Variants in NBAS observed in about 807,000 individuals in gnomAD.
NBAS encodes the protein NBAS subunit of NRZ tethering complex, also known as NAG/BC035112 fusion.
In NBAS, 219 loss-of-function variants were observed where a neutral mutation model predicts 302.5. That is an observed-to-expected ratio of 0.72 (90% CI 0.65 to 0.81). NBAS has a LOEUF of 0.81. Among genes scored for constraint, NBAS ranks in the 30% least tolerant of loss-of-function variants. The pLI is 0.00. For missense variants in NBAS, 2,932 were observed against 2,841.6 expected, an observed-to-expected ratio of 1.03 and a Z score of -0.72; for synonymous variants, 1,118 against 1,021.6, an observed-to-expected ratio of 1.09 and a Z score of -1.80.
the NBAS span, among the ~76,000 whole-genome samples, chr2:14,805,951 T>A: frequency 6.6e-6 from 1 of 152,150 alleles, no homozygotes; most frequent in East Asian, 1.9e-4. Flanking sequence ...ATCATTTGTT[T>A]AAGATTTCAA....
rs376531328 is a variant in NBAS at position 15,503,308 on chromosome 2, C to G, written c.954+837G>C. Among the ~76,000 whole-genome samples the G allele has an allele frequency of 8.5e-5, 13 of 152,254 alleles. No homozygotes were observed. In the East Asian group the frequency reaches 2.5e-3, roughly 29 times the overall value. On this transcript the variant is annotated intron_variant, in intron 11 of 51. Transcript: ENST00000281513. ...TACAGTACAGTCAAGCCTTCCATAT[C>G]CACAGGTTCCACATCCTCTGATTCA...
chr2:14,797,396 C>T, the NBAS span, among the ~76,000 whole-genome samples: 1 of 152,212 alleles, frequency 6.6e-6, no homozygotes, highest in Non-Finnish European at 1.5e-5. Flanking sequence ...GCATCCATCC[C>T]ACATGATGGC....
At chr2:15,036,433 T>C in the NBAS span, among the ~76,000 whole-genome samples, 1 of 152,160 alleles carries the variant, frequency 6.6e-6, no homozygotes, top group Non-Finnish European at 1.5e-5. Context: ...AAAGACACAA[T>C]CCCTGCAAGG....
intron 11 of NBAS, among the ~76,000 whole-genome samples, chr2:15,494,955 T>G (rs1022218782): frequency 1.3e-5 from 2 of 152,188 alleles, no homozygotes; most frequent in Non-Finnish European, 2.9e-5. Context: ...CCAGATGACC[T>G]GACAAGACTC....
At chr2:15,100,038 T>C in the NBAS span, among the ~76,000 whole-genome samples, 1 of 152,206 alleles carries the variant, frequency 6.6e-6, no homozygotes, top group African/African-American at 2.4e-5. Flanking sequence ...TTTTATGGAT[T>C]TGAAGTATTT....
At chr2:15,218,054 C>T (rs1666729961) in intron 48 of NBAS, among the ~76,000 whole-genome samples, 1 of 152,062 alleles carries the variant, frequency 6.6e-6, no homozygotes. Flanking sequence ...TTATGTCCTT[C>T]TAAGTATAGG....
the NBAS span, among the ~76,000 whole-genome samples, chr2:14,995,373 A>G: frequency 2.0e-5 from 3 of 152,184 alleles, no homozygotes; most frequent in Non-Finnish European, 4.4e-5. Flanking sequence ...TTGCAGGGAC[A>G]AGGATGAAGC....
the NBAS span, among the ~76,000 whole-genome samples, chr2:14,963,390 C>A: frequency 6.6e-6 from 1 of 152,230 alleles, no homozygotes; most frequent in African/African-American, 2.4e-5. Flanking sequence ...GGTTAAGACA[C>A]AGACCATCTG....
the NBAS span, among the ~76,000 whole-genome samples, chr2:15,104,801 G>C: frequency 6.6e-6 from 1 of 152,146 alleles, no homozygotes; most frequent in African/African-American, 2.4e-5. Flanking sequence ...CTAATGACCA[G>C]TGACGATGAG....
chr2:15,226,557 T>C (rs1667159944), intron 47 of NBAS, among the ~76,000 whole-genome samples: 3 of 152,334 alleles, frequency 2.0e-5, no homozygotes, highest in African/African-American at 7.2e-5. Flanking sequence ...AAATAATTAA[T>C]TCCTTTGTCC....
At chr2:14,849,589 G>T in the NBAS span, among the ~76,000 whole-genome samples, 1 of 148,252 alleles carries the variant, frequency 6.7e-6, no homozygotes, top group Non-Finnish European at 1.5e-5. Context: ...ATGCCACAAA[G>T]ATACTCCTCG....
chr2:15,477,541 C>A (rs560870740), intron 13 of NBAS, among the ~76,000 whole-genome samples: 1 of 152,138 alleles, frequency 6.6e-6, no homozygotes, highest in Admixed American at 6.5e-5. Context: ...CAAGAGCCAC[C>A]GCGCCCGGCA....
chr2:15,420,921 T>C (rs1233398614), intron 23 of NBAS, among the ~76,000 whole-genome samples: 1 of 151,280 alleles, frequency 6.6e-6, no homozygotes, highest in South Asian at 2.1e-4. Context: ...GATGGACAAG[T>C]GAAGATGAAG....
the NBAS span, among the ~76,000 whole-genome samples, chr2:15,051,971 T>G: frequency 2.0e-5 from 3 of 152,180 alleles, no homozygotes; most frequent in African/African-American, 7.2e-5. Context: ...GTTGCAAGTG[T>G]TCTCTCTTCC....
At position 15,560,827 on chromosome 2, in the gene NBAS, C is replaced by T. The variant is rs541703799; in HGVS notation, c.117+361G>A. ...CTGAGGGTCCAGATAGGAGAAAGGA[C>T]CCTCGAGTCCAGCGCTGTGCCTTCC... On this transcript the variant is annotated intron_variant, in intron 1 of 51. Transcript: ENST00000281513. Among the ~76,000 whole-genome samples, 12 of 152,232 alleles carry T rather than the reference C, an allele frequency of 7.9e-5. No individual in the cohort carries two copies. The South Asian group carries it at 2.5e-3, about 32-fold the overall frequency.
At chr2:15,437,692 T>A (rs920490302) in intron 21 of NBAS, among the ~76,000 whole-genome samples, 2 of 152,224 alleles carry the variant, frequency 1.3e-5, no homozygotes, top group Non-Finnish European at 1.5e-5. Context: ...TTCTTATGAC[T>A]GTCAATATAG....
rs3792578 is a variant in NBAS, at chr2:15,394,518, G to A, written c.3135-169C>T. ...TTCTCAGCAAAAAAGAAAAAAAATCGAATAATTAAACAAATCTTACCTTTC... is the reference window on the plus strand; with the variant it reads ...TTCTCAGCAAAAAAGAAAAAAAATCAAATAATTAAACAAATCTTACCTTTC... On this transcript the variant is annotated intron_variant, in intron 27 of 51. Transcript: ENST00000281513. 0.62 allele frequency among the ~76,000 whole-genome samples: 94,079 copies of A among 151,762 alleles called. 29,938 individuals are homozygous for A. The highest frequency in any genetic ancestry group is 0.68 in the Middle Eastern group (201 of 294).
chr2:15,297,114 TA>T (rs1670584814), intron 40 of NBAS, among the ~76,000 whole-genome samples: 1 of 152,234 alleles, frequency 6.6e-6, no homozygotes. Context: ...CATTTTGCAT[TA>T]ACAACTCTGT....
the NBAS span, among the ~76,000 whole-genome samples, chr2:15,149,262 G>A: frequency 1.3e-5 from 2 of 152,132 alleles, no homozygotes; most frequent in African/African-American, 2.4e-5. Flanking sequence ...TTGCCCTTCC[G>A]CTTTCCACCA....
Sources: allele counts gnomAD v4.1 joint callset (sites outside exome capture counted in the v4.1 genomes callset), GRCh38; gene constraint gnomAD v4.1.1; transcripts MANE v1.5; gene names NCBI Gene and HGNC (gene_info 2026-07-23, HGNC 2026-07-21).